The following IFT88 variants were observed in gnomAD, a reference collection of about 807,000 sequenced individuals.
The protein encoded by IFT88 is intraflagellar transport 88, also known as intraflagellar transport protein 88 homolog.
A neutral mutation model predicts 119.5 loss-of-function variants in IFT88; 74 were observed. The ratio of observed to expected loss-of-function variants is 0.62; its 90% CI spans 0.51 to 0.75. The LOEUF (loss-of-function observed/expected upper bound fraction) is 0.75, where lower values mean the gene tolerates loss of function less well. Among genes scored for constraint, IFT88 ranks in the 30% least tolerant of loss-of-function variants. IFT88 has a pLI of 0.00. For missense variants in IFT88, 961 were observed against 977.7 expected (o/e 0.98, Z 0.23); for synonymous variants, 279 against 316.7 (o/e 0.88, Z 1.26).
chr13:20,598,275 T>C (rs530448513), intron 9 of IFT88, among the ~76,000 whole-genome samples: 80 of 152,324 alleles, frequency 5.3e-4, no homozygotes, highest in African/African-American at 1.9e-3. Flanking sequence ...ATTCTTCTGA[T>C]AGACTTTAAG....
chr13:20,568,433 A>C (rs929024459), intron 1 of IFT88, among the ~76,000 whole-genome samples: 1 of 152,238 alleles, frequency 6.6e-6, no homozygotes, highest in East Asian at 1.9e-4. Context: ...CAAGATGTCT[A>C]TTCAACTAAA....
intron 23 of IFT88, among the ~76,000 whole-genome samples, chr13:20,667,233 C>G (rs544623547): frequency 5.3e-5 from 8 of 152,320 alleles, no homozygotes; most frequent in Non-Finnish European, 1.2e-4. Flanking sequence ...TGTTAAAACT[C>G]TGGAAGGATG....
chr13:20,659,225 G>T (rs1477911744), intron 22 of IFT88, among the ~76,000 whole-genome samples: 1 of 152,186 alleles, frequency 6.6e-6, no homozygotes, highest in African/African-American at 2.4e-5. Context: ...TGTGCGTGAT[G>T]GCTCATGTCT....
At chr13:20,632,130 C>T (rs2048291927) in intron 16 of IFT88, 2 of 108,580 alleles carry the variant, frequency 1.8e-5, no homozygotes, top group South Asian at 8.5e-4. Context: ...GTGACAGATA[C>T]CTTGTCTCCA....
At chr13:20,583,077 C>T (rs1347698052) in intron 3 of IFT88, 58 bp downstream of exon 3, 1 of 1,046,598 alleles carries the variant, frequency 9.6e-7, no homozygotes. Context: ...TGAAATTTAC[C>T]AGATTAACCA....
rs971527521 is a variant in IFT88, at chr13:20,632,338, C to T, written c.1386+1236C>T. 1.3e-5 allele frequency among the ~76,000 whole-genome samples: 2 copies of T among 152,168 alleles called. 1 individual carries two copies. Among genetic ancestry groups the T allele is most frequent in the South Asian group, 4.1e-4 (2 of 4,820 alleles). On this transcript the variant is annotated intron_variant, in intron 16 of 25. Coordinates refer to ENST00000351808, the MANE Select transcript of IFT88 (RefSeq NM_006531.5). The stretch of plus-strand genomic sequence containing the variant: ...GTAGAAGAAGCCTATAAGAGCTTTC[C>T]TTAGGAATAACTGTTCATGCTGAGG...
Position 20,639,132 on chromosome 13 carries a change from G to A in IFT88, c.1573+614G>A, listed in dbSNP as rs150945580. Among the ~76,000 whole-genome samples, 1,144 of 152,238 alleles carry A rather than the reference G, an allele frequency of 7.5e-3. 14 individuals are homozygous for A. Among genetic ancestry groups the A allele is most frequent in the African/African-American group, 0.026 (1,094 of 41,542 alleles). On this transcript the variant is annotated intron_variant, in intron 17 of 25. Transcript: ENST00000351808. ...CAAACACATGTCCATGCAGTACTGG[G>A]TCTTGTCTCTTGGATTATTAATAAC...
At chr13:20,667,200 G>A (rs983826813) in intron 23 of IFT88, among the ~76,000 whole-genome samples, 1 of 152,182 alleles carries the variant, frequency 6.6e-6, no homozygotes, top group African/African-American at 2.4e-5. Flanking sequence ...AAAGTGATAA[G>A]AATTTCTGTG....
intron 1 of IFT88, chr13:20,567,995 AAGGT>A: frequency 1.4e-6 from 1 of 713,708 alleles, no homozygotes; most frequent in South Asian, 1.5e-5. Context: ...CACAAACACT[AAGGT>A]AGCCGATGAG....
chr13:20,644,686 A>G (rs1594579399), intron 19 of IFT88, among the ~76,000 whole-genome samples, 157 bp from the exon 20 acceptor site: 1 of 152,176 alleles, frequency 6.6e-6, no homozygotes, highest in Non-Finnish European at 1.5e-5. Flanking sequence ...TCTAAATATT[A>G]TATAGTTTCA....
At chr13:20,654,758 T>C (rs1594680700) in intron 21 of IFT88, among the ~76,000 whole-genome samples, 1 of 152,344 alleles carries the variant, frequency 6.6e-6, no homozygotes, top group East Asian at 1.9e-4. Context: ...TCCTATTGAA[T>C]GTACAACATG....
intron 24 of IFT88, among the ~76,000 whole-genome samples, chr13:20,672,044 A>G (rs1192165110): frequency 1.3e-5 from 2 of 152,324 alleles, no homozygotes; most frequent in East Asian, 1.9e-4. Flanking sequence ...CTAGTTGGAA[A>G]GACACACAGC....
At chr13:20,615,005 C>G (rs1037960594) in intron 13 of IFT88, among the ~76,000 whole-genome samples, 2 of 151,802 alleles carry the variant, frequency 1.3e-5, no homozygotes, top group Admixed American at 6.6e-5. Context: ...TTAGTAGAGA[C>G]GGGGTTTCAC....
chr13:20,589,794 T>C lies in IFT88; in HGVS notation c.154-17T>C. On this transcript the variant is annotated splice_polypyrimidine_tract_variant and intron_variant, in intron 3 of 25. Coordinates refer to ENST00000351808, the MANE Select transcript of IFT88 (RefSeq NM_006531.5). ...TCAGTCTGAATCCTGTTAACTATGT[T>C]CTTTTTCCTCCCCAAGATAACTGCT... 6.3e-7 allele frequency: 1 copy of C among 1,578,840 alleles called. No individual in the cohort carries two copies. The highest frequency in any genetic ancestry group is 8.7e-7 in the Non-Finnish European group (1 of 1,153,008).
chr13:20,604,427 A>G (rs960700896), intron 12 of IFT88, among the ~76,000 whole-genome samples: 7 of 152,180 alleles, frequency 4.6e-5, no homozygotes, highest in Admixed American at 1.3e-4. Flanking sequence ...TTTATATTTG[A>G]GTTTAGAATT....
chr13:20,600,909 T>C (rs868703037), intron 11 of IFT88, among the ~76,000 whole-genome samples: 16 of 152,202 alleles, frequency 1.1e-4, no homozygotes, highest in Admixed American at 2.0e-4. Flanking sequence ...TATGTATTCA[T>C]ACTATGAAAT....
At position 20,615,786 on chromosome 13, in the gene IFT88, G is replaced by A; in HGVS notation, c.1113-7G>A. ...CTAAATACAACTTTTTGGTTTATTT[G>A]ATATAGGAAAGCCATGGCAGAAAAA... On this transcript the variant is annotated splice_polypyrimidine_tract_variant and splice_region_variant and intron_variant, in intron 13 of 25. Transcript: ENST00000351808. 2 of 1,555,376 alleles carry A rather than the reference G, an allele frequency of 1.3e-6. No individual in the cohort carries two copies. Among genetic ancestry groups the A allele is most frequent in the Non-Finnish European group, 1.8e-6 (2 of 1,141,852 alleles).
At chr13:20,674,730 T>G (rs1381997815) in intron 24 of IFT88, among the ~76,000 whole-genome samples, 10 of 121,490 alleles carry the variant, frequency 8.2e-5, no homozygotes, top group African/African-American at 9.6e-5. Flanking sequence ...ATATATTTTT[T>G]TTTTTTTTTT....
rs57699433 is a variant in IFT88 at position 20,646,296 on chromosome 13, CT to C, written c.1949+1355del. On this transcript the variant is annotated intron_variant, in intron 20 of 25. Transcript: ENST00000351808. The stretch of plus-strand genomic sequence containing the variant: ...ACTAACACATTTACACCAATAAAAT[CT>C]TTTTTTTTTTTTTTTTGAGACAGAG... 8.3e-3 allele frequency among the ~76,000 whole-genome samples: 1,141 copies of C among 137,154 alleles called. 3 individuals carry two copies. Among genetic ancestry groups the C allele is most frequent in the South Asian group, 0.02 (84 of 4,238 alleles). The allele number at this position is 137,154 out of a possible 152,430, so 90.0% of individuals were successfully genotyped here.
Sources: allele counts gnomAD v4.1 joint callset (sites outside exome capture counted in the v4.1 genomes callset), GRCh38; gene constraint gnomAD v4.1.1; transcripts MANE v1.5; gene names NCBI Gene and HGNC (gene_info 2026-07-23, HGNC 2026-07-21).